CCDC102B: variants seen among roughly 807,000 people sequenced by gnomAD.
CCDC102B encodes the protein coiled-coil domain-containing protein 102B.
A neutral mutation model predicts 57.4 loss-of-function variants in CCDC102B; 75 were observed. The observed-to-expected ratio is 1.31, with a 90% CI of 1.08 to 1.58. The LOEUF (loss-of-function observed/expected upper bound fraction) is 1.58. Ranked by LOEUF, CCDC102B falls within the 40% of genes most tolerant of loss-of-function variation. CCDC102B has a pLI of 0.00. For synonymous variants in CCDC102B, 206 were observed against 201.9 expected, an observed-to-expected ratio of 1.02 and a Z score of -0.17; for missense variants, 636 against 582.6, an observed-to-expected ratio of 1.09 and a Z score of -0.94.
chr18:68,943,526 G>T (rs1370485292), intron 6 of CCDC102B, among the ~76,000 whole-genome samples: 2 of 152,008 alleles, frequency 1.3e-5, no homozygotes, highest in Non-Finnish European at 2.9e-5. Context: ...TTGTTTTGTA[G>T]CATCATGATG....
At chr18:68,781,855 G>C (rs1015500963) in intron 2 of CCDC102B, among the ~76,000 whole-genome samples, 1 of 152,024 alleles carries the variant, frequency 6.6e-6, no homozygotes, top group African/African-American at 2.4e-5. Context: ...TTTAGTTAAA[G>C]TGAGAAAATG....
intron 2 of CCDC102B, among the ~76,000 whole-genome samples, chr18:68,776,437 G>T (rs995324061): frequency 1.3e-5 from 2 of 152,140 alleles, no homozygotes; most frequent in Non-Finnish European, 2.9e-5. Flanking sequence ...ATAGAAAACA[G>T]AATAGAGAAA....
intron 7 of CCDC102B, among the ~76,000 whole-genome samples, chr18:69,049,702 G>A (rs1405591225): frequency 1.3e-5 from 2 of 151,936 alleles, no homozygotes; most frequent in South Asian, 2.1e-4. Flanking sequence ...ACAATTAATA[G>A]TACTCAAGTA....
intron 1 of CCDC102B, among the ~76,000 whole-genome samples, chr18:68,800,361 A>G (rs2035801825): frequency 1.3e-5 from 2 of 152,130 alleles, no homozygotes; most frequent in African/African-American, 2.4e-5. Flanking sequence ...CAACAGCCCA[A>G]AGATCCATTC....
At chr18:68,896,375 C>T (rs2040241880) in intron 5 of CCDC102B, among the ~76,000 whole-genome samples, 1 of 151,880 alleles carries the variant, frequency 6.6e-6, no homozygotes, top group Non-Finnish European at 1.5e-5. Context: ...GGCTTCTGGT[C>T]ATTGATAGTA....
At chr18:68,848,289 TCAA>T (rs781782113) in intron 4 of CCDC102B, among the ~76,000 whole-genome samples, 8 of 151,976 alleles carry the variant, frequency 5.3e-5, no homozygotes, top group Non-Finnish European at 8.8e-5. Context: ...CCCTTTTTCC[TCAA>T]CAATTCTGAT....
intron 7 of CCDC102B, among the ~76,000 whole-genome samples, chr18:69,028,934 T>C (rs112532719): frequency 0.077 from 11,753 of 152,094 alleles, 1,527 homozygotes; most frequent in African/African-American, 0.27. Flanking sequence ...GTTCATGGCA[T>C]GTTAAGGTAA....
intron 6 of CCDC102B, among the ~76,000 whole-genome samples, chr18:68,951,362 T>C (rs948306557): frequency 6.6e-6 from 1 of 152,168 alleles, no homozygotes; most frequent in Non-Finnish European, 1.5e-5. Flanking sequence ...ACTTATACAT[T>C]CAATGAATAC....
chr18:68,894,090 T>C (rs2040166192), intron 5 of CCDC102B, among the ~76,000 whole-genome samples: 1 of 152,062 alleles, frequency 6.6e-6, no homozygotes, highest in Non-Finnish European at 1.5e-5. Context: ...TGCAGGCCTT[T>C]CTATGACACT....
intron 2 of CCDC102B, among the ~76,000 whole-genome samples, chr18:68,770,989 A>C (rs1053524695): frequency 5.3e-5 from 8 of 152,378 alleles, no homozygotes; most frequent in African/African-American, 1.9e-4. Flanking sequence ...AAGTTCAATC[A>C]GTAGGTTAAA....
At chr18:69,047,340 T>G (rs920075915) in intron 7 of CCDC102B, among the ~76,000 whole-genome samples, 1 of 151,926 alleles carries the variant, frequency 6.6e-6, no homozygotes, top group Non-Finnish European at 1.5e-5. Flanking sequence ...AAATCCAATA[T>G]CCCTTCATCT....
At chr18:68,723,293 G>A (rs2032440276) in intron 2 of CCDC102B, among the ~76,000 whole-genome samples, 1 of 152,014 alleles carries the variant, frequency 6.6e-6, no homozygotes, top group African/African-American at 2.4e-5. Context: ...GGGGACACAG[G>A]ACCAAACCAT....
At chr18:69,016,068 T>C (rs1431305462) in intron 7 of CCDC102B, among the ~76,000 whole-genome samples, 2 of 151,170 alleles carry the variant, frequency 1.3e-5, no homozygotes, top group African/African-American at 4.9e-5. Context: ...TTTCAACATG[T>C]TAGCCAGGAT....
intron 2 of CCDC102B, among the ~76,000 whole-genome samples, chr18:68,749,592 T>C (rs2145241801): frequency 6.6e-6 from 1 of 152,290 alleles, no homozygotes; most frequent in East Asian, 1.9e-4. Flanking sequence ...GTTATTGGTG[T>C]ATAAGAATGC....
intron 4 of CCDC102B, among the ~76,000 whole-genome samples, chr18:68,849,433 G>C (rs2038025160): frequency 6.6e-6 from 1 of 151,926 alleles, no homozygotes; most frequent in Non-Finnish European, 1.5e-5. Flanking sequence ...TATCGACTCT[G>C]CCTCCAAACT....
intron 2 of CCDC102B, among the ~76,000 whole-genome samples, chr18:68,768,434 A>G (rs538688160): frequency 3.3e-4 from 50 of 152,316 alleles, no homozygotes; most frequent in African/African-American, 1.0e-3. Context: ...TACAGTCATG[A>G]CATTATTCTT....
chr18:68,840,597 A>G (rs566715882), intron 3 of CCDC102B, among the ~76,000 whole-genome samples: 1 of 152,230 alleles, frequency 6.6e-6, no homozygotes, highest in Admixed American at 6.6e-5. Context: ...GCTCGTACAC[A>G]TAGTGACAAT....
At chr18:68,770,104 T>A (rs1337445230) in intron 2 of CCDC102B, among the ~76,000 whole-genome samples, 1 of 152,184 alleles carries the variant, frequency 6.6e-6, no homozygotes, top group Admixed American at 6.5e-5. Flanking sequence ...CATCTCCACA[T>A]TTAATGAAAG....
chr18:68,911,700 C>T (rs538454785), intron 6 of CCDC102B, among the ~76,000 whole-genome samples: 24 of 124,896 alleles, frequency 1.9e-4, no homozygotes, highest in Non-Finnish European at 3.0e-4. Flanking sequence ...TGCAGTGAGC[C>T]GAGATCGCGC....
Sources: gnomAD v4.1 joint callset for allele counts (sites outside exome capture counted in the v4.1 genomes callset) on GRCh38, gnomAD v4.1.1 for gene constraint, MANE v1.5 for transcripts, NCBI Gene and HGNC (gene_info 2026-07-23, HGNC 2026-07-21) for gene names.